The following NLRP9 variants were observed in gnomAD, a reference collection of about 807,000 sequenced individuals.
The protein encoded by NLRP9 is NLR family pyrin domain containing 9.
Under a neutral mutation model 83.1 loss-of-function variants are expected in NLRP9, and 88 were observed. That is an observed-to-expected ratio of 1.06 (90% confidence interval 0.89 to 1.26). The LOEUF (loss-of-function observed/expected upper bound fraction) is 1.26. NLRP9 is among the 50% of genes most tolerant of loss of function. The pLI, the probability that NLRP9 is intolerant of heterozygous loss-of-function variation, is 0.00. For missense variants in NLRP9, 1,308 were observed against 1,179.3 expected (o/e 1.11, Z -1.60); for synonymous variants, 521 against 447.6 (o/e 1.16, Z -2.07).
At chr19:55,716,048 T>C (rs147559748) in intron 5 of NLRP9, among the ~76,000 whole-genome samples, 2 of 152,336 alleles carry the variant, frequency 1.3e-5, no homozygotes, top group East Asian at 1.9e-4. Context: ...ACTATGGATA[T>C]GTATGTCAAA....
Position 55,729,351 on chromosome 19 carries a change from C to T in NLRP9, c.1994+480G>A, listed in dbSNP as rs148756665. On this transcript the variant is annotated intron_variant, in intron 3 of 8. Transcript: ENST00000332836. ...GCTGCACCCATTAACTCGTCATTTA[C>T]ATTAGGTATATCTCCTAATGCTATC... 2.5e-3 allele frequency among the ~76,000 whole-genome samples: 374 copies of T among 151,892 alleles called. 3 individuals carry two copies. The highest frequency in any genetic ancestry group is 8.7e-3 in the African/African-American group (360 of 41,412).
At chr19:55,734,363 CAAAA>C (rs59545375) in intron 1 of NLRP9, among the ~76,000 whole-genome samples, 33 of 76,692 alleles carry the variant, frequency 4.3e-4, no homozygotes, top group African/African-American at 1.2e-3. Flanking sequence ...CACTCTATCT[CAAAA>C]AAAAAAAAAA....
Position 55,722,994 on chromosome 19 carries a change from C to T in NLRP9, c.2159+986G>A, listed in dbSNP as rs138101641. Among the ~76,000 whole-genome samples the T allele has an allele frequency of 7.9e-3, 1,197 of 151,522 alleles. 20 individuals carry two copies. Among genetic ancestry groups the T allele is most frequent in the African/African-American group, 0.028 (1,147 of 41,244 alleles). On this transcript the variant is annotated intron_variant, in intron 4 of 8. Transcript: ENST00000332836. ...GGGAACAACACACACTGGGGCCTGT[C>T]GGTGGGTGGGGAGCTGGGGGAGGGA...
intron 6 of NLRP9, 25 bp from the exon 7 acceptor site, chr19:55,712,615 T>G: frequency 1.2e-6 from 2 of 1,604,716 alleles, no homozygotes; most frequent in Non-Finnish European, 1.7e-6. Flanking sequence ...GACACACAAA[T>G]ACGTACACTT....
At chr19:55,720,248 C>G (rs904922106) in intron 4 of NLRP9, among the ~76,000 whole-genome samples, 1 of 152,106 alleles carries the variant, frequency 6.6e-6, no homozygotes, top group Non-Finnish European at 1.5e-5. Flanking sequence ...TAGGTCATAG[C>G]CCCACTTGTG....
intron 4 of NLRP9, 88 bp from the exon 5 acceptor site, chr19:55,716,986 C>G (rs983150471): frequency 2.1e-6 from 2 of 937,290 alleles, no homozygotes; most frequent in Admixed American, 1.9e-5. Context: ...ACCTCTGATT[C>G]TAGTCTTGCA....
intron 4 of NLRP9, among the ~76,000 whole-genome samples, chr19:55,717,103 G>A (rs543657695): frequency 2.9e-4 from 42 of 146,322 alleles, no homozygotes; most frequent in African/African-American, 9.7e-4. Flanking sequence ...GTGCGATCTC[G>A]GCTCACCGCA....
chr19:55,729,442 G>A (rs1988505007), intron 3 of NLRP9, among the ~76,000 whole-genome samples: 1 of 151,872 alleles, frequency 6.6e-6, no homozygotes, highest in African/African-American at 2.4e-5. Flanking sequence ...GTGCCCATGT[G>A]TTCTCATTGT....
Position 55,734,528 on chromosome 19 carries a change from T to C in NLRP9, c.281-978A>G, listed in dbSNP as rs868250417. Among the ~76,000 whole-genome samples, 110 of 76,968 alleles carry C rather than the reference T, an allele frequency of 1.4e-3. 3 individuals carry two copies. The highest frequency in any genetic ancestry group is 8.7e-3 in the East Asian group (29 of 3,348). 50.5% of individuals were successfully genotyped at this position (76,968 alleles called of 152,430 possible). A position where few individuals can be genotyped will look rare whatever the true frequency, so the allele number is the denominator to read the frequency against. On this transcript the variant is annotated intron_variant, in intron 1 of 8. Coordinates refer to ENST00000332836, the MANE Select transcript of NLRP9 (RefSeq NM_176820.4). The stretch of plus-strand genomic sequence containing the variant: ...GTACACATATATATACACACACACA[T>C]ATATATATATATATACATATATACG...
intron 2 of NLRP9, among the ~76,000 whole-genome samples, 164 bp from the exon 3 acceptor site, chr19:55,730,156 T>C (rs1988531194): frequency 6.6e-6 from 1 of 152,120 alleles, no homozygotes; most frequent in African/African-American, 2.4e-5. Flanking sequence ...GACATAATAG[T>C]TAGAAAGTAG....
chr19:55,736,260 A>G (rs34517482), intron 1 of NLRP9, among the ~76,000 whole-genome samples: 62,709 of 151,434 alleles, frequency 0.41, 13,261 homozygotes, highest in South Asian at 0.59. Context: ...GCGTGGTGGC[A>G]GGCGCCTGTA....
At chr19:55,710,856 C>T (rs1252199638) in intron 8 of NLRP9, among the ~76,000 whole-genome samples, 1 of 152,122 alleles carries the variant, frequency 6.6e-6, no homozygotes, top group African/African-American at 2.4e-5. Flanking sequence ...GAGGCTGAGG[C>T]AGGTGGATCA....
In NLRP9 at chr19:55,715,552, C is replaced by T. The variant is rs1269119051; in HGVS notation, c.2331-327G>A. Among the ~76,000 whole-genome samples the T allele has an allele frequency of 7.9e-5, 12 of 152,070 alleles. No individual in the cohort carries two copies. The South Asian group carries it at 1.0e-3, about 13-fold the overall frequency. Reference sequence around the variant, plus strand: ...ATACAAAATTAGCCAGGCATGGTGACGCACACCTGTAATCCCAGCTACTCG... The same window carrying T: ...ATACAAAATTAGCCAGGCATGGTGATGCACACCTGTAATCCCAGCTACTCG... On this transcript the variant is annotated intron_variant, in intron 5 of 8. Coordinates refer to ENST00000332836, the MANE Select transcript of NLRP9 (RefSeq NM_176820.4).
chr19:55,734,594 TACATAC>T lies in NLRP9; in HGVS notation c.281-1050_281-1045del, dbSNP rs1335476119. Among the ~76,000 whole-genome samples, 11 of 137,626 alleles carry T rather than the reference TACATAC, an allele frequency of 8.0e-5. No homozygotes were observed. The South Asian group carries it at 2.2e-3, about 28-fold the overall frequency. 90.3% of individuals were successfully genotyped at this position (137,626 alleles called of 152,430 possible). On this transcript the variant is annotated intron_variant, in intron 1 of 8. Coordinates refer to ENST00000332836, the MANE Select transcript of NLRP9 (RefSeq NM_176820.4). ...ACACATATACATATATACACATATA[TACATAC>T]ACATACACACACACACACACATATA...
At chr19:55,713,851 T>C (rs1600127234) in intron 6 of NLRP9, among the ~76,000 whole-genome samples, 1 of 53,396 alleles carries the variant, frequency 1.9e-5, no homozygotes. Flanking sequence ...TTCCATCCCC[T>C]CTTCCCCTCT....
At position 55,712,502 on chromosome 19, in the gene NLRP9, C is replaced by G. The variant is rs371227694; in HGVS notation, c.2590G>C (p.Gly864Arg). 5.0e-6 allele frequency: 8 copies of G among 1,612,640 alleles called. No homozygotes were observed. Among genetic ancestry groups the G allele is most frequent in the Non-Finnish European group, 6.8e-6 (8 of 1,179,782 alleles). The change falls in exon 7 of 9, where the codon GGG (glycine) becomes CGG (arginine). Residue 864 changes from glycine (G) to arginine (R), a missense_variant. Transcript: ENST00000332836. ...CCAGTGTCTCCTATTTCATTATGCC[C>G]AAGTTTCAGGGTCTTCAGTTTCCCA... Reference protein sequence around the residue: ...CNGKLKTLKLGHNEIGDTGVR... With the variant: ...CNGKLKTLKLRHNEIGDTGVR...
At chr19:55,718,880 C>A (rs1988127004) in intron 4 of NLRP9, among the ~76,000 whole-genome samples, 1 of 152,220 alleles carries the variant, frequency 6.6e-6, no homozygotes, top group Non-Finnish European at 1.5e-5. Flanking sequence ...GGGCTGGCCC[C>A]CTTCACACTC....
chr19:55,733,081 C>A lies in NLRP9; in HGVS notation c.750G>T (p.Arg250=). The A allele has an allele frequency of 6.2e-7, 1 of 1,613,730 alleles. No homozygotes were observed. Among genetic ancestry groups the A allele is most frequent in the Non-Finnish European group, 8.5e-7 (1 of 1,179,842 alleles). Residue 250 remains arginine (R), a synonymous_variant, in exon 2 of 9, where the codon CGG becomes CGT. Coordinates refer to ENST00000332836, the MANE Select transcript of NLRP9 (RefSeq NM_176820.4). ...TGCTCAGGATAATTGGCATTGGCTG[C>A]CGCTGCCTCCAATCATCGCTCAAGT... The part of the protein sequence containing the change: ...KADLSDDWRQ[R]QPMPIILSSL...
At position 55,715,317 on chromosome 19, in the gene NLRP9, T is replaced by C. The variant is rs1400229681; in HGVS notation, c.2331-92A>G. On this transcript the variant is annotated intron_variant, in intron 5 of 8. Transcript: ENST00000332836. The stretch of plus-strand genomic sequence containing the variant: ...CATCTCCCAGCCCACTGAAGCTTCC[T>C]ATGGTAATATTACCATATTTTCTTT... 19 of 1,062,072 alleles carry C rather than the reference T, an allele frequency of 1.8e-5. No homozygotes were observed. In the South Asian group the frequency reaches 1.8e-4, roughly 10 times the overall value. The allele number at this position is 1,062,072 out of a possible 1,614,324, so 65.8% of individuals were successfully genotyped here.
Sources: allele counts gnomAD v4.1 joint callset (sites outside exome capture counted in the v4.1 genomes callset), GRCh38; gene constraint gnomAD v4.1.1; transcripts MANE v1.5; gene names NCBI Gene and HGNC (gene_info 2026-07-23, HGNC 2026-07-21).